LOC112694756: variants seen among roughly 807,000 people sequenced by gnomAD.
the LOC112694756 span, among the ~76,000 whole-genome samples, chr16:30,061,577 T>TTTTTTTTG: frequency 6.9e-6 from 1 of 145,052 alleles, no homozygotes; most frequent in African/African-American, 2.6e-5. Context: ...TTTTTTTTTT[T>TTTTTTTTG]GAGGCAGAGT....
chr16:30,067,926 C>T, the LOC112694756 span: 1 of 535,480 alleles, frequency 1.9e-6, no homozygotes, highest in East Asian at 3.3e-5. Flanking sequence ...GTCTGACACC[C>T]AATTCACTCA....
chr16:30,062,302 G>A, the LOC112694756 span, among the ~76,000 whole-genome samples: 1 of 152,224 alleles, frequency 6.6e-6, no homozygotes, highest in Non-Finnish European at 1.5e-5. Flanking sequence ...GGGAGACCAA[G>A]GTGGGTTTAG....
the LOC112694756 span, chr16:30,053,193 A>G: frequency 6.6e-6 from 1 of 152,412 alleles, no homozygotes. Context: ...GGAATCCGTG[A>G]ATTGCCCGCG....
the LOC112694756 span, chr16:30,066,872 G>T: frequency 6.5e-7 from 1 of 1,546,518 alleles, no homozygotes; most frequent in Non-Finnish European, 8.7e-7. Flanking sequence ...CTCCGGTTCG[G>T]TTTTGTTTTC....
At chr16:30,054,979 G>A in the LOC112694756 span, 12 of 398,446 alleles carry the variant, frequency 3.0e-5, no homozygotes, top group East Asian at 3.2e-4. Context: ...GAGGAATCCC[G>A]GTAACCTGTC....
At chr16:30,070,179 C>T in the LOC112694756 span, 17 of 1,614,130 alleles carry the variant, frequency 1.1e-5, no homozygotes, top group Middle Eastern at 3.3e-4. Flanking sequence ...CTGCTGCCAG[C>T]GAGTCCCTCT....
the LOC112694756 span, chr16:30,055,276 G>A: frequency 2.5e-6 from 1 of 399,240 alleles, no homozygotes; most frequent in Non-Finnish European, 4.4e-6. Flanking sequence ...ACTTTCCTCT[G>A]CCTAGCCCGG....
At chr16:30,066,973 C>G in the LOC112694756 span, 1 of 1,554,590 alleles carries the variant, frequency 6.4e-7, no homozygotes, top group Non-Finnish European at 8.7e-7. Context: ...TTCCTTTCCC[C>G]CAGTTGCCAG....
chr16:30,067,176 C>G, the LOC112694756 span: 1 of 1,608,756 alleles, frequency 6.2e-7, no homozygotes, highest in Non-Finnish European at 8.5e-7. Context: ...CCCTGGTCAT[C>G]GGGAGATGAT....
chr16:30,070,410 G>C, the LOC112694756 span: 1 of 610,168 alleles, frequency 1.6e-6, no homozygotes, highest in Non-Finnish European at 2.9e-6. Flanking sequence ...GCTATTTAAG[G>C]GGGAGTCGGC....
At chr16:30,069,302 G>A in the LOC112694756 span, 4 of 1,614,062 alleles carry the variant, frequency 2.5e-6, no homozygotes, top group African/African-American at 5.3e-5. Flanking sequence ...CCCTCGCCCT[G>A]CAGAATGGCA....
chr16:30,054,726 C>T, the LOC112694756 span: 14 of 399,326 alleles, frequency 3.5e-5, no homozygotes, highest in Non-Finnish European at 6.2e-5. Context: ...ATGGTATTCC[C>T]GTGTTCCTGC....
chr16:30,069,070 C>A, the LOC112694756 span: 2 of 1,579,086 alleles, frequency 1.3e-6, no homozygotes, highest in South Asian at 1.1e-5. Context: ...GCCTACCTCC[C>A]CAAAAGCAAG....
chr16:30,058,720 G>A, the LOC112694756 span, among the ~76,000 whole-genome samples: 1 of 151,914 alleles, frequency 6.6e-6, no homozygotes. Flanking sequence ...CTGACCTCGT[G>A]ATCCGCCCGC....
the LOC112694756 span, chr16:30,069,170 T>C: frequency 7.5e-7 from 1 of 1,326,844 alleles, no homozygotes; most frequent in Non-Finnish European, 1.1e-6. Context: ...GCGGCTCTTG[T>C]CTCCTGTAAT....
At chr16:30,053,745 G>T in the LOC112694756 span, among the ~76,000 whole-genome samples, 1 of 152,198 alleles carries the variant, frequency 6.6e-6, no homozygotes, top group Non-Finnish European at 1.5e-5. Flanking sequence ...ATTTCCGGCA[G>T]AGGAAACAGT....
chr16:30,069,810 G>A, the LOC112694756 span: 409 of 1,613,918 alleles, frequency 2.5e-4, no homozygotes, highest in Middle Eastern at 1.3e-3. Context: ...AGCCCCTCTC[G>A]CCTCACCCCT....
At chr16:30,067,042 C>T in the LOC112694756 span, 6 of 1,577,450 alleles carry the variant, frequency 3.8e-6, no homozygotes, top group Non-Finnish European at 5.2e-6. Context: ...AGGAAAGGTA[C>T]AGGGGCAGGC....
chr16:30,065,365 G>C, the LOC112694756 span, among the ~76,000 whole-genome samples: 5 of 152,106 alleles, frequency 3.3e-5, no homozygotes, highest in African/African-American at 4.8e-5. Context: ...GGGCGGCCCC[G>C]GGCCGCGCGC....
Sources: gnomAD v4.1 joint callset for allele counts (sites outside exome capture counted in the v4.1 genomes callset) on GRCh38, gnomAD v4.1.1 for gene constraint, MANE v1.5 for transcripts.